SNTG1: variants seen among roughly 807,000 people sequenced by gnomAD.
The protein encoded by SNTG1 is syntrophin gamma 1, also known as gamma-1-syntrophin.
SNTG1 carries 39 observed loss-of-function variants against 74.7 expected under a neutral mutation model. The observed-to-expected ratio is 0.52, with a 90% confidence interval of 0.40 to 0.68. The LOEUF is 0.68. Among genes scored for constraint, SNTG1 ranks in the 30% least tolerant of loss-of-function variants. The pLI, the probability that SNTG1 is intolerant of heterozygous loss-of-function variation, is 0.00. For synonymous variants in SNTG1, 254 were observed against 217.1 expected, an observed-to-expected ratio of 1.17 and a Z score of -1.49; for missense variants, 685 against 609.5, an observed-to-expected ratio of 1.12 and a Z score of -1.30.
chr8:50,106,599 G>T (rs1303590085), intron 1 of SNTG1, among the ~76,000 whole-genome samples: 1 of 152,090 alleles, frequency 6.6e-6, no homozygotes, highest in African/African-American at 2.4e-5. Flanking sequence ...TGCCTAGTTT[G>T]TTGAGGATTT....
At chr8:50,367,099 G>A (rs2092135982) in intron 2 of SNTG1, among the ~76,000 whole-genome samples, 1 of 151,682 alleles carries the variant, frequency 6.6e-6, no homozygotes. Flanking sequence ...GATGATAATT[G>A]TTCTGATGTG....
At chr8:50,101,953 T>A (rs2080146180) in intron 1 of SNTG1, among the ~76,000 whole-genome samples, 1 of 152,126 alleles carries the variant, frequency 6.6e-6, no homozygotes. Context: ...TAATCCAGTC[T>A]ATCATTGTTG....
intron 9 of SNTG1, among the ~76,000 whole-genome samples, chr8:50,510,908 T>C (rs539479271): frequency 6.6e-6 from 1 of 152,316 alleles, no homozygotes; most frequent in South Asian, 2.1e-4. Context: ...TTTGTGTCTC[T>C]ATTTCCTTCA....
rs377501631 is a variant in SNTG1 at position 50,601,027 on chromosome 8, TGG to T, written c.849+10112_849+10113del. On this transcript the variant is annotated intron_variant, in intron 13 of 18. Coordinates refer to ENST00000642720, the MANE Select transcript of SNTG1 (RefSeq NM_018967.5). ...TACTGAAAATACAAGAAACATTAGTTGGGCATGGTGGCATGCACCTGTAGTCC... is the reference window on the plus strand; with the variant it reads ...TACTGAAAATACAAGAAACATTAGTTGCATGGTGGCATGCACCTGTAGTCC... Among the ~76,000 whole-genome samples the T allele has an allele frequency of 4.1e-3, 617 of 151,626 alleles. 4 individuals carry two copies. The highest frequency in any genetic ancestry group is 0.014 in the African/African-American group (574 of 41,288).
chr8:49,976,242 G>A (rs1451377302), intron 1 of SNTG1, among the ~76,000 whole-genome samples: 5 of 152,162 alleles, frequency 3.3e-5, no homozygotes, highest in Non-Finnish European at 5.9e-5. Context: ...AAAATGGAAA[G>A]AAATAGGAAA....
Position 50,756,435 on chromosome 8 carries a change from G to A in SNTG1, c.1395+4324G>A, listed in dbSNP as rs184158605. Reference sequence around the variant, plus strand: ...CATTTGGAATTAATTTTTGTGAAGGGTGTAATATTTCTGTCTAAGTTCTTT... The same window carrying A: ...CATTTGGAATTAATTTTTGTGAAGGATGTAATATTTCTGTCTAAGTTCTTT... On this transcript the variant is annotated intron_variant, in intron 18 of 18. Coordinates refer to ENST00000642720, the MANE Select transcript of SNTG1 (RefSeq NM_018967.5). 2.0e-5 allele frequency among the ~76,000 whole-genome samples: 3 copies of A among 151,796 alleles called. No homozygotes were observed. In the East Asian group the frequency reaches 5.9e-4, roughly 30 times the overall value.
At chr8:50,086,540 A>C (rs1822904131) in intron 1 of SNTG1, among the ~76,000 whole-genome samples, 1 of 152,148 alleles carries the variant, frequency 6.6e-6, no homozygotes, top group Non-Finnish European at 1.5e-5. Context: ...TTGAAAGGTC[A>C]GATGAATGTC....
chr8:50,546,233 TA>T (rs11454617), intron 11 of SNTG1, among the ~76,000 whole-genome samples: 12 of 151,368 alleles, frequency 7.9e-5, no homozygotes, highest in South Asian at 2.1e-4. Context: ...AGCAAATTGA[TA>T]AAAAAAAGTT....
intron 1 of SNTG1, among the ~76,000 whole-genome samples, chr8:50,058,762 G>A (rs973269413): frequency 2.0e-4 from 30 of 151,280 alleles, no homozygotes; most frequent in Middle Eastern, 3.4e-3. Context: ...GTGTGTGTGT[G>A]TATGTGTGTT....
chr8:50,145,176 A>G (rs903013940), intron 1 of SNTG1, among the ~76,000 whole-genome samples: 2 of 152,158 alleles, frequency 1.3e-5, no homozygotes, highest in African/African-American at 4.8e-5. Flanking sequence ...CAGTGTTAGG[A>G]GAAAAGGGGG....
chr8:50,205,399 C>T (rs2084175563), intron 2 of SNTG1, among the ~76,000 whole-genome samples: 1 of 152,132 alleles, frequency 6.6e-6, no homozygotes, highest in Admixed American at 6.5e-5. Flanking sequence ...ATATCCTTTG[C>T]CCACTTTTTG....
intron 8 of SNTG1, among the ~76,000 whole-genome samples, chr8:50,475,587 T>A (rs2093690858): frequency 6.6e-6 from 1 of 152,096 alleles, no homozygotes; most frequent in Non-Finnish European, 1.5e-5. Context: ...TTCAACCACA[T>A]CATAAGCATC....
chr8:50,529,241 T>C (rs913209560), intron 9 of SNTG1, among the ~76,000 whole-genome samples: 1 of 152,002 alleles, frequency 6.6e-6, no homozygotes, highest in Non-Finnish European at 1.5e-5. Flanking sequence ...TAGTGTGATA[T>C]TCTTACAGTT....
chr8:49,966,649 C>A (rs953908883), intron 1 of SNTG1, among the ~76,000 whole-genome samples: 7 of 152,222 alleles, frequency 4.6e-5, no homozygotes, highest in African/African-American at 1.4e-4. Context: ...TCCACCTTGG[C>A]CTCCCAAAGT....
chr8:49,953,692 A>C (rs1162542190), intron 1 of SNTG1, among the ~76,000 whole-genome samples: 1 of 152,214 alleles, frequency 6.6e-6, no homozygotes, highest in Non-Finnish European at 1.5e-5. Flanking sequence ...GACACTGGAA[A>C]TTTGCTGGAA....
At chr8:50,780,115 T>C (rs1352790276) in intron 18 of SNTG1, among the ~76,000 whole-genome samples, 3 of 152,244 alleles carry the variant, frequency 2.0e-5, no homozygotes, top group Non-Finnish European at 4.4e-5. Flanking sequence ...CAGTATTTTA[T>C]TGAGGATTTT....
intron 1 of SNTG1, among the ~76,000 whole-genome samples, chr8:50,151,258 T>A (rs999823060): frequency 1.3e-5 from 2 of 152,210 alleles, no homozygotes; most frequent in African/African-American, 4.8e-5. Context: ...GGTGGTGATA[T>A]CCCCTTTATC....
intron 2 of SNTG1, among the ~76,000 whole-genome samples, chr8:50,310,998 A>C (rs946724586): frequency 6.6e-6 from 1 of 152,238 alleles, no homozygotes; most frequent in African/African-American, 2.4e-5. Context: ...TTTCAAGATC[A>C]CACAGCTACT....
At chr8:50,125,127 T>C (rs1431770614) in intron 1 of SNTG1, among the ~76,000 whole-genome samples, 1 of 142,222 alleles carries the variant, frequency 7.0e-6, no homozygotes, top group Non-Finnish European at 1.6e-5. Flanking sequence ...AAAGATTATG[T>C]GAATACAAAG....
Sources: gnomAD v4.1 joint callset for allele counts (sites outside exome capture counted in the v4.1 genomes callset) on GRCh38, gnomAD v4.1.1 for gene constraint, MANE v1.5 for transcripts, NCBI Gene and HGNC (gene_info 2026-07-23, HGNC 2026-07-21) for gene names.